The following CDH13 variants were observed in gnomAD, a reference collection of about 807,000 sequenced individuals.
CDH13 encodes the protein cadherin 13.
In CDH13, 24 loss-of-function variants were observed where a neutral mutation model predicts 63.8. The ratio of observed to expected loss-of-function variants is 0.38; its 90% confidence interval spans 0.27 to 0.53. The LOEUF is 0.53. Among genes scored for constraint, CDH13 ranks in the 20% least tolerant of loss-of-function variants. The probability of loss-of-function intolerance (pLI) is 0.85; values close to 1 mark genes in which losing one functional copy is unlikely to be tolerated. For synonymous variants in CDH13, 503 were observed against 355.3 expected, an observed-to-expected ratio of 1.42 and a Z score of -4.67; for missense variants, 1,049 against 903.1, an observed-to-expected ratio of 1.16 and a Z score of -2.07.
intron 6 of CDH13, among the ~76,000 whole-genome samples, chr16:83,436,869 G>C (rs950247301): frequency 6.6e-6 from 1 of 152,102 alleles, no homozygotes; most frequent in African/African-American, 2.4e-5. Flanking sequence ...CATTGGTAGG[G>C]CTCTTTATGG....
intron 3 of CDH13, among the ~76,000 whole-genome samples, chr16:83,085,484 T>G (rs909377357): frequency 3.5e-4 from 53 of 152,036 alleles, no homozygotes; most frequent in Admixed American, 2.8e-3. Flanking sequence ...TGGGAGAATG[T>G]GGAAAGGGTG....
chr16:82,774,598 TC>T (rs1218559346), intron 1 of CDH13, among the ~76,000 whole-genome samples: 1 of 152,328 alleles, frequency 6.6e-6, no homozygotes, highest in Middle Eastern at 3.4e-3. Flanking sequence ...CTGTGCCATG[TC>T]CTTTCATATA....
At chr16:83,062,515 A>C (rs1306572852) in intron 3 of CDH13, among the ~76,000 whole-genome samples, 1 of 152,184 alleles carries the variant, frequency 6.6e-6, no homozygotes, top group African/African-American at 2.4e-5. Flanking sequence ...TCATGGTCCC[A>C]GGGATCATGA....
intron 1 of CDH13, among the ~76,000 whole-genome samples, chr16:82,651,160 A>G (rs1046997667): frequency 1.2e-4 from 18 of 152,236 alleles, no homozygotes; most frequent in Admixed American, 3.3e-4. Flanking sequence ...AACAACCATC[A>G]TTATCTGTGC....
At chr16:83,189,519 G>T (rs549247289) in intron 4 of CDH13, among the ~76,000 whole-genome samples, 1 of 152,166 alleles carries the variant, frequency 6.6e-6, no homozygotes, top group African/African-American at 2.4e-5. Flanking sequence ...ACAGATACAC[G>T]TTCACATGGC....
At chr16:82,674,551 A>G (rs1597287562) in intron 1 of CDH13, among the ~76,000 whole-genome samples, 1 of 152,236 alleles carries the variant, frequency 6.6e-6, no homozygotes, top group African/African-American at 2.4e-5. Flanking sequence ...TCATCCTTGT[A>G]TTCTTAATTC....
chr16:83,507,237 A>C (rs1180740408), intron 7 of CDH13, among the ~76,000 whole-genome samples: 1 of 152,206 alleles, frequency 6.6e-6, no homozygotes, highest in Non-Finnish European at 1.5e-5. Context: ...AAGGAAAAGC[A>C]ATATTTTTAT....
chr16:82,757,637 C>CTTTT (rs1307353183), intron 1 of CDH13, among the ~76,000 whole-genome samples: 2 of 93,292 alleles, frequency 2.1e-5, no homozygotes, highest in South Asian at 9.0e-4. Flanking sequence ...AACGCCATAG[C>CTTTT]TTTTTTTTTG....
At chr16:83,065,000 C>G (rs1241028709) in intron 3 of CDH13, among the ~76,000 whole-genome samples, 1 of 152,068 alleles carries the variant, frequency 6.6e-6, no homozygotes, top group Non-Finnish European at 1.5e-5. Context: ...AAAAAAATCT[C>G]CCCAGTCCCT....
intron 8 of CDH13, among the ~76,000 whole-genome samples, chr16:83,617,487 G>A (rs898525506): frequency 1.3e-5 from 2 of 150,840 alleles, no homozygotes; most frequent in African/African-American, 4.9e-5. Context: ...AATATCTATT[G>A]TAATAAGCAC....
chr16:83,001,151 G>A (rs1035586818), intron 2 of CDH13, among the ~76,000 whole-genome samples: 3 of 152,190 alleles, frequency 2.0e-5, no homozygotes, highest in Admixed American at 6.5e-5. Context: ...TGAAGAAAAA[G>A]ATGACTTTAT....
chr16:83,418,018 C>T (rs1017341160), intron 6 of CDH13, among the ~76,000 whole-genome samples: 2 of 152,102 alleles, frequency 1.3e-5, no homozygotes, highest in Non-Finnish European at 2.9e-5. Flanking sequence ...TGTTGAAGCC[C>T]TTTGTCAACT....
rs58505161 is a variant in CDH13 at position 83,073,354 on chromosome 16, T to TGA, written c.366+41158_366+41159dup. Among the ~76,000 whole-genome samples the TGA allele has an allele frequency of 2.1e-3, 290 of 139,838 alleles. 1 individual carries two copies. Among genetic ancestry groups the TGA allele is most frequent in the African/African-American group, 5.0e-3 (183 of 36,422 alleles). 91.7% of individuals were successfully genotyped at this position (139,838 alleles called of 152,430 possible). On this transcript the variant is annotated intron_variant, in intron 3 of 13. Transcript: ENST00000567109. ...GTGTGTGTGTGTGTGTGTGTGTGTG[T>TGA]GAGAGAGAGAGAGAGAGAGAGAGCT...
chr16:82,806,123 C>T (rs551152432), intron 1 of CDH13, among the ~76,000 whole-genome samples: 2 of 152,256 alleles, frequency 1.3e-5, no homozygotes, highest in East Asian at 1.9e-4. Context: ...GTTTGCCAGC[C>T]TTCTCTCCAC....
chr16:83,287,945 A>T (rs1451599732), intron 5 of CDH13, among the ~76,000 whole-genome samples: 3 of 152,184 alleles, frequency 2.0e-5, no homozygotes, highest in African/African-American at 7.2e-5. Context: ...AATGCAGAAA[A>T]TCCATAATGA....
At chr16:83,196,807 A>T (rs1308207560) in intron 4 of CDH13, among the ~76,000 whole-genome samples, 1 of 152,236 alleles carries the variant, frequency 6.6e-6, no homozygotes, top group Non-Finnish European at 1.5e-5. Flanking sequence ...GCTGGCAAAG[A>T]TGTGCAGAAA....
At chr16:82,661,858 T>A (rs1330070460) in intron 1 of CDH13, among the ~76,000 whole-genome samples, 1 of 152,256 alleles carries the variant, frequency 6.6e-6, no homozygotes, top group East Asian at 1.9e-4. Flanking sequence ...AGGTATGTCC[T>A]GTAATTAGGG....
At chr16:82,866,260 C>G (rs1281761944) in intron 2 of CDH13, among the ~76,000 whole-genome samples, 1 of 152,032 alleles carries the variant, frequency 6.6e-6, no homozygotes, top group South Asian at 2.1e-4. Flanking sequence ...TGTTCCAGCC[C>G]CTGCCTGTTA....
chr16:83,500,160 G>T (rs1002383549), intron 7 of CDH13, among the ~76,000 whole-genome samples: 1 of 151,214 alleles, frequency 6.6e-6, no homozygotes, highest in Non-Finnish European at 1.5e-5. Flanking sequence ...GCAAGAGAAA[G>T]GTTAGGATAT....
Sources: gnomAD v4.1 joint callset for allele counts (sites outside exome capture counted in the v4.1 genomes callset) on GRCh38, gnomAD v4.1.1 for gene constraint, MANE v1.5 for transcripts, NCBI Gene and HGNC (gene_info 2026-07-23, HGNC 2026-07-21) for gene names.